The following FAM184A variants were observed in gnomAD, a reference collection of about 807,000 sequenced individuals.
FAM184A encodes family with sequence similarity 184 member A, also known as protein FAM184A.
A neutral mutation model predicts 143.8 loss-of-function variants in FAM184A; 99 were observed. The observed-to-expected ratio is 0.69, with a 90% CI of 0.58 to 0.81. FAM184A has a LOEUF of 0.81. FAM184A is among the 40% of genes least tolerant of loss of function. FAM184A has a pLI of 0.00. For missense variants in FAM184A, 1,217 were observed against 1,310.5 expected (o/e 0.93, Z 1.10); for synonymous variants, 427 against 446.4 (o/e 0.96, Z 0.55).
At chr6:118,973,006 T>C (rs1783740575) in intron 14 of FAM184A, among the ~76,000 whole-genome samples, 1 of 152,106 alleles carries the variant, frequency 6.6e-6, no homozygotes, top group Non-Finnish European at 1.5e-5. Flanking sequence ...AAACTCAGAG[T>C]GACCAGGGAA....
chr6:119,041,969 C>A (rs976025728), intron 1 of FAM184A, among the ~76,000 whole-genome samples: 1 of 152,064 alleles, frequency 6.6e-6, no homozygotes, highest in Admixed American at 6.6e-5. Flanking sequence ...TCAGAGAACA[C>A]GAGGCTTGCC....
At chr6:119,032,000 G>A (rs1309560966) in intron 1 of FAM184A, among the ~76,000 whole-genome samples, 3 of 152,144 alleles carry the variant, frequency 2.0e-5, no homozygotes, top group East Asian at 1.9e-4. Context: ...GGCCTGGCAC[G>A]ATGGCTCACT....
intron 1 of FAM184A, among the ~76,000 whole-genome samples, chr6:119,116,189 G>C (rs982228670): frequency 2.0e-5 from 3 of 152,060 alleles, no homozygotes; most frequent in African/African-American, 7.2e-5. Flanking sequence ...GGGCAGAAGG[G>C]GAAAAGGGAC....
intron 1 of FAM184A, among the ~76,000 whole-genome samples, chr6:119,139,729 C>CTG (rs1772151329): frequency 6.6e-6 from 1 of 151,844 alleles, no homozygotes. Flanking sequence ...AGGGTCCAGG[C>CTG]TGTAGTTTTA....
chr6:118,980,118 G>A lies in FAM184A; in HGVS notation c.2301+20C>T, dbSNP rs750432959. The A allele has an allele frequency of 2.1e-5, 33 of 1,598,304 alleles. No individual in the cohort carries two copies. Among genetic ancestry groups the A allele is most frequent in the Non-Finnish European group, 2.7e-5 (31 of 1,166,060 alleles). On this transcript the variant is annotated intron_variant, in intron 10 of 17. Transcript: ENST00000338891. ...TTAGGCAGTTGGGTTACATTTGAAC[G>A]TATGTCACATAAAACTTACTCTTTG...
At chr6:119,060,776 A>G (rs1582569532) in intron 1 of FAM184A, among the ~76,000 whole-genome samples, 1 of 151,222 alleles carries the variant, frequency 6.6e-6, no homozygotes, top group East Asian at 1.9e-4. Context: ...ACTGTGTAGC[A>G]CCTCCCCCTT....
At chr6:119,074,068 A>G (rs1328681035) in intron 1 of FAM184A, among the ~76,000 whole-genome samples, 1 of 152,230 alleles carries the variant, frequency 6.6e-6, no homozygotes, top group East Asian at 1.9e-4. Flanking sequence ...GTGAAAATCT[A>G]GAGCCACTGA....
chr6:119,146,962 A>T (rs1412635002), intron 1 of FAM184A, among the ~76,000 whole-genome samples: 1 of 151,982 alleles, frequency 6.6e-6, no homozygotes, highest in Non-Finnish European at 1.5e-5. Context: ...TAGTCACTAC[A>T]TTCCAGAAAA....
intron 1 of FAM184A, among the ~76,000 whole-genome samples, chr6:119,129,574 G>C (rs1789472416): frequency 6.6e-6 from 1 of 152,152 alleles, no homozygotes; most frequent in Non-Finnish European, 1.5e-5. Flanking sequence ...GGGGGAACCA[G>C]AGGGATTAGG....
At chr6:119,012,345 C>T (rs1269294833) in intron 5 of FAM184A, among the ~76,000 whole-genome samples, 5 of 152,172 alleles carry the variant, frequency 3.3e-5, no homozygotes, top group South Asian at 2.1e-4. Context: ...TATAGTCACA[C>T]TCATGGCTGT....
In FAM184A at chr6:119,096,464, G is replaced by T. The variant is rs1292287636; in HGVS notation, c.-202+52614C>A. Among the ~76,000 whole-genome samples, 2 of 55,820 alleles carry T rather than the reference G, an allele frequency of 3.6e-5. 1 individual carries two copies. Among genetic ancestry groups the T allele is most frequent in the Non-Finnish European group, 7.3e-5 (2 of 27,398 alleles). The allele number at this position is 55,820 out of a possible 152,430, so 36.6% of individuals were successfully genotyped here. A position where few individuals can be genotyped will look rare whatever the true frequency, so the allele number is the denominator to read the frequency against. ...ATCCTGGCTAACAAGGTGAAACCCCGTCTCTACTAAAAATACAAAAAATTA... is the reference window on the plus strand; with the variant it reads ...ATCCTGGCTAACAAGGTGAAACCCCTTCTCTACTAAAAATACAAAAAATTA... On this transcript the variant is annotated intron_variant, in intron 1 of 16. Coordinates refer to the FAM184A transcript ENST00000352896.
At chr6:119,102,912 G>A (rs1788683365) in intron 1 of FAM184A, among the ~76,000 whole-genome samples, 1 of 151,604 alleles carries the variant, frequency 6.6e-6, no homozygotes, top group South Asian at 2.1e-4. Context: ...AGAGCATATA[G>A]TAGGCCTTGG....
chr6:119,095,544 A>C (rs917904168), intron 1 of FAM184A, among the ~76,000 whole-genome samples: 3 of 152,062 alleles, frequency 2.0e-5, no homozygotes, highest in African/African-American at 7.2e-5. Flanking sequence ...GAGAAATAAT[A>C]TAGGCTTTTA....
upstream of FAM184A, among the ~76,000 whole-genome samples, chr6:119,083,145 C>T (rs760093079): frequency 4.6e-5 from 7 of 152,196 alleles, no homozygotes; most frequent in East Asian, 1.9e-4. Context: ...CTTTTAGCCA[C>T]GGCTGGGATA....
chr6:118,960,091 A>T lies in FAM184A; in HGVS notation c.*12T>A, dbSNP rs1449258597. The stretch of plus-strand genomic sequence containing the variant: ...GTAACAGTCTATACAGAGCTGTGCC[A>T]ACACAATTCTTTCAGAATGTGAAGT... On this transcript the variant is annotated 3_prime_UTR_variant, in exon 18 of 18. Transcript: ENST00000338891. 1 of 1,610,248 alleles carries T rather than the reference A, an allele frequency of 6.2e-7. No homozygotes were observed. Among genetic ancestry groups the T allele is most frequent in the Non-Finnish European group, 8.5e-7 (1 of 1,177,044 alleles).
At chr6:119,007,553 CAT>C (rs1047559762) in intron 6 of FAM184A, among the ~76,000 whole-genome samples, 41 of 152,166 alleles carry the variant, frequency 2.7e-4, no homozygotes, top group Non-Finnish European at 8.8e-5. Flanking sequence ...GGGAGCTACA[CAT>C]CTTTTCTGTG....
chr6:119,112,187 A>G (rs1273635640), intron 1 of FAM184A, among the ~76,000 whole-genome samples: 1 of 150,700 alleles, frequency 6.6e-6, no homozygotes, highest in Non-Finnish European at 1.5e-5. Context: ...GCTGGAGTGC[A>G]ATGGCGCAAT....
At chr6:119,139,837 G>C (rs535449336) in intron 1 of FAM184A, among the ~76,000 whole-genome samples, 18 of 152,280 alleles carry the variant, frequency 1.2e-4, no homozygotes, top group South Asian at 4.1e-4. Flanking sequence ...CAAATGACTA[G>C]AGTTTCCTGA....
At chr6:118,981,169 T>A (rs1373844867) in intron 9 of FAM184A, among the ~76,000 whole-genome samples, 1 of 152,180 alleles carries the variant, frequency 6.6e-6, no homozygotes, top group Non-Finnish European at 1.5e-5. Flanking sequence ...TACTTAAAAT[T>A]AAGTATTTTG....
Sources: gnomAD v4.1 joint callset for allele counts (sites outside exome capture counted in the v4.1 genomes callset) on GRCh38, gnomAD v4.1.1 for gene constraint, MANE v1.5 for transcripts, NCBI Gene and HGNC (gene_info 2026-07-23, HGNC 2026-07-21) for gene names.